Variants in PPARGC1A observed in about 807,000 individuals in gnomAD.
The protein encoded by PPARGC1A is PPARG coactivator 1 alpha.
A neutral mutation model predicts 88.7 loss-of-function variants in PPARGC1A; 25 were observed. The observed-to-expected ratio is 0.28, with a 90% confidence interval of 0.21 to 0.39. The LOEUF (loss-of-function observed/expected upper bound fraction) is 0.39, where lower values mean the gene tolerates loss of function less well. PPARGC1A is among the 10% of genes least tolerant of loss of function. The pLI, the probability that PPARGC1A is intolerant of heterozygous loss-of-function variation, is 1.00. For missense variants in PPARGC1A, 880 were observed against 968.7 expected (o/e 0.91, Z 1.22); for synonymous variants, 363 against 355.6 (o/e 1.02, Z -0.24).
chr4:24,162,589 TC>T, the PPARGC1A span, among the ~76,000 whole-genome samples: 1 of 137,036 alleles, frequency 7.3e-6, no homozygotes, highest in South Asian at 2.5e-4. Flanking sequence ...GTTCCTTACT[TC>T]CTTTTTTTTT....
the PPARGC1A span, among the ~76,000 whole-genome samples, chr4:23,922,751 G>C: frequency 6.6e-6 from 1 of 152,116 alleles, no homozygotes; most frequent in South Asian, 2.1e-4. Flanking sequence ...GGCTAAGGAG[G>C]GATAAATATT....
chr4:24,052,850 G>A, the PPARGC1A span, among the ~76,000 whole-genome samples: 2 of 136,006 alleles, frequency 1.5e-5, no homozygotes, highest in Non-Finnish European at 3.1e-5. Flanking sequence ...TGTGGCGTAC[G>A]CAGATTTTTT....
chr4:24,015,279 G>C, the PPARGC1A span, among the ~76,000 whole-genome samples: 2 of 152,024 alleles, frequency 1.3e-5, no homozygotes, highest in African/African-American at 2.4e-5. Flanking sequence ...TAGAGATAGA[G>C]ATAGAGATAG....
At chr4:24,257,432 G>A in the PPARGC1A span, among the ~76,000 whole-genome samples, 47,995 of 152,142 alleles carry the variant, frequency 0.32, 8,305 homozygotes, top group Non-Finnish European at 0.39. Context: ...CACTGGGCAT[G>A]TAGCTGGCCA....
the PPARGC1A span, among the ~76,000 whole-genome samples, chr4:24,350,508 T>A: frequency 3.4e-4 from 51 of 152,174 alleles, 1 homozygote; most frequent in African/African-American, 1.2e-3. Context: ...CTTATCCAAA[T>A]CACCAATCCT....
the PPARGC1A span, among the ~76,000 whole-genome samples, chr4:24,089,515 T>A: frequency 2.7e-5 from 1 of 36,660 alleles, no homozygotes; most frequent in South Asian, 1.1e-3. Context: ...CTTTTCTTTC[T>A]TTTTTTTTTT....
chr4:23,891,341 C>A (rs541509017), upstream of PPARGC1A, among the ~76,000 whole-genome samples: 1 of 152,136 alleles, frequency 6.6e-6, no homozygotes, highest in Non-Finnish European at 1.5e-5. Flanking sequence ...CAGCTCAATT[C>A]TTTTACTTGA....
Position 23,880,181 on chromosome 4 carries a change from C to T in PPARGC1A, c.234+4571G>A, listed in dbSNP as rs139781613. 3.6e-3 allele frequency among the ~76,000 whole-genome samples: 544 copies of T among 152,156 alleles called. 4 individuals are homozygous for T. The highest frequency in any genetic ancestry group is 0.01 in the African/African-American group (431 of 41,510). On this transcript the variant is annotated intron_variant, in intron 2 of 12. Coordinates refer to ENST00000264867, the MANE Select transcript of PPARGC1A (RefSeq NM_013261.5). ...TGAATATACAGTCTTGTATTGTTTT[C>T]GAATTGCTAAGAACTAAAAACATAT...
At chr4:24,003,748 T>A in the PPARGC1A span, among the ~76,000 whole-genome samples, 1 of 151,796 alleles carries the variant, frequency 6.6e-6, no homozygotes, top group Non-Finnish European at 1.5e-5. Context: ...TGAAAAGGAA[T>A]TTGGAATTTG....
At chr4:24,260,252 C>T in the PPARGC1A span, among the ~76,000 whole-genome samples, 2,014 of 152,308 alleles carry the variant, frequency 0.013, 48 homozygotes, top group African/African-American at 0.046. Flanking sequence ...ACAAGCACAC[C>T]GATTTTGGAC....
the PPARGC1A span, among the ~76,000 whole-genome samples, chr4:24,339,578 G>A: frequency 6.6e-6 from 1 of 151,996 alleles, no homozygotes; most frequent in Non-Finnish European, 1.5e-5. Flanking sequence ...CCACCATGTG[G>A]ATCCATGCAT....
chr4:24,056,883 C>T, the PPARGC1A span, among the ~76,000 whole-genome samples: 5 of 152,186 alleles, frequency 3.3e-5, no homozygotes, highest in Admixed American at 3.3e-4. Context: ...CTGAGAAAAA[C>T]AGCATGGTGG....
the PPARGC1A span, among the ~76,000 whole-genome samples, chr4:24,114,203 T>C: frequency 6.6e-6 from 1 of 150,940 alleles, no homozygotes; most frequent in Non-Finnish European, 1.5e-5. Flanking sequence ...GAACAAACCC[T>C]GGGACCACCT....
the PPARGC1A span, among the ~76,000 whole-genome samples, chr4:24,323,863 G>A: frequency 2.0e-5 from 3 of 152,130 alleles, no homozygotes; most frequent in Non-Finnish European, 2.9e-5. Flanking sequence ...TTTCAAATCC[G>A]GTAAGCGGCC....
At chr4:24,218,477 G>A in the PPARGC1A span, among the ~76,000 whole-genome samples, 2 of 152,236 alleles carry the variant, frequency 1.3e-5, no homozygotes, top group Admixed American at 1.3e-4. Flanking sequence ...GAAAGACGGA[G>A]GTAGCTGTCA....
intron 2 of PPARGC1A, among the ~76,000 whole-genome samples, chr4:23,862,675 T>G (rs1269589353): frequency 6.6e-6 from 1 of 152,216 alleles, no homozygotes; most frequent in Non-Finnish European, 1.5e-5. Context: ...TAACATTGTC[T>G]TAAGATGTTG....
At chr4:24,121,850 T>C in the PPARGC1A span, among the ~76,000 whole-genome samples, 1 of 152,264 alleles carries the variant, frequency 6.6e-6, no homozygotes, top group Admixed American at 6.5e-5. Flanking sequence ...GTGGTGAGAG[T>C]GGCATACCAA....
the PPARGC1A span, among the ~76,000 whole-genome samples, chr4:24,416,022 A>C: frequency 6.6e-6 from 1 of 152,162 alleles, no homozygotes; most frequent in Non-Finnish European, 1.5e-5. Context: ...TTTTTTAAAA[A>C]TTACCTTGGG....
At chr4:23,824,257 T>C in intron 7 of PPARGC1A, 23 bp downstream of exon 7, 3 of 1,591,872 alleles carry the variant, frequency 1.9e-6, no homozygotes, top group Non-Finnish European at 2.6e-6. Context: ...ACACACAAGT[T>C]CTAAGTGAAA....
Sources: gnomAD v4.1 joint callset for allele counts (sites outside exome capture counted in the v4.1 genomes callset) on GRCh38, gnomAD v4.1.1 for gene constraint, MANE v1.5 for transcripts, NCBI Gene and HGNC (gene_info 2026-07-23, HGNC 2026-07-21) for gene names.